Variants in CALR3 observed in about 807,000 individuals in gnomAD.
CALR3 encodes calreticulin 3.
CALR3 carries 39 observed loss-of-function variants against 48.7 expected under a neutral mutation model. The observed-to-expected ratio is 0.80, with a 90% confidence interval of 0.62 to 1.05. CALR3 has a LOEUF of 1.05. Ranked by LOEUF, CALR3 falls within the 50% of genes least tolerant of loss-of-function variation. CALR3 has a pLI of 0.00. For missense variants in CALR3, 449 were observed against 474.7 expected (o/e 0.95, Z 0.50); for synonymous variants, 185 against 172.7 (o/e 1.07, Z -0.56).
At chr19:16,482,310 T>C in intron 7 of CALR3, 140 bp downstream of exon 7, 15 of 1,236,462 alleles carry the variant, frequency 1.2e-5, no homozygotes, top group Non-Finnish European at 1.6e-5. Flanking sequence ...TGGGCCTAGT[T>C]TGAGGCTACA....
rs199588341 is a variant in CALR3 at position 16,482,592 on chromosome 19, A to C, written c.787-11T>G. 7.6e-5 allele frequency: 122 copies of C among 1,614,054 alleles called. No individual in the cohort carries two copies. Among genetic ancestry groups the C allele is most frequent in the Middle Eastern group, 3.3e-4 (2 of 6,084 alleles). ...TGGTTTCAGGCCATCCTGTATCAAA[A>C]AAACCATATGGGGTGGTCTCAATGA... On this transcript the variant is annotated splice_polypyrimidine_tract_variant and intron_variant, in intron 6 of 8. Coordinates refer to ENST00000269881, the MANE Select transcript of CALR3 (RefSeq NM_145046.5).
In CALR3 at chr19:16,490,548, G is replaced by T. The variant is rs577809057; in HGVS notation, c.216C>A (p.Gly72=). The change falls in exon 3 of 9, where the codon GGC becomes GGA. Residue 72 remains glycine (G), a synonymous_variant. Coordinates refer to ENST00000269881, the MANE Select transcript of CALR3 (RefSeq NM_145046.5). The stretch of plus-strand genomic sequence containing the variant: ...AGCGTGCAGAGATGGCATAGAATCG[G>T]CCATTCTGAGTGGTTTGCAGACCTT... ...KDKGLQTTQN[G]RFYAISARFK... is the part of the protein sequence containing the mutation. 6.2e-7 allele frequency: 1 copy of T among 1,614,068 alleles called. No homozygotes were observed. Among genetic ancestry groups the T allele is most frequent in the Non-Finnish European group, 8.5e-7 (1 of 1,180,024 alleles).
chr19:16,487,733 G>A (rs2122138237), intron 3 of CALR3, among the ~76,000 whole-genome samples: 1 of 151,918 alleles, frequency 6.6e-6, no homozygotes, highest in Middle Eastern at 3.4e-3. Flanking sequence ...TGCCTCCCAG[G>A]TTCAGGTGAT....
chr19:16,496,145 G>C lies in CALR3; in HGVS notation c.-16C>G. On this transcript the variant is annotated 5_prime_UTR_variant, in exon 1 of 9. Transcript: ENST00000269881. ...CCCGGGCCATGGGGGTGTGCACTGC[G>C]CTTCCGGTCGCCGCCACCCCTTAGC... 1.9e-6 allele frequency: 3 copies of C among 1,574,868 alleles called. No homozygotes were observed. Among genetic ancestry groups the C allele is most frequent in the Non-Finnish European group, 2.6e-6 (3 of 1,159,560 alleles).
chr19:16,488,363 C>CAT (rs1410267561), intron 3 of CALR3, among the ~76,000 whole-genome samples: 2 of 152,164 alleles, frequency 1.3e-5, no homozygotes, highest in African/African-American at 4.8e-5. Context: ...GGATTACAGG[C>CAT]ATAAGCCACT....
At chr19:16,481,921 T>TG (rs2093381380) in intron 7 of CALR3, among the ~76,000 whole-genome samples, 1 of 110,876 alleles carries the variant, frequency 9.0e-6, no homozygotes, top group African/African-American at 3.3e-5. Context: ...TTTTTTTTTT[T>TG]TTTGAGACGG....
In CALR3 at chr19:16,485,036, G is replaced by A. The variant is rs975830676; in HGVS notation, c.492+127C>T. ...AATGGGCCCCCTAAACTGGAAACTG[G>A]AAACAGGAGGTATGTCTACAAAGAC... On this transcript the variant is annotated intron_variant, in intron 4 of 8. Transcript: ENST00000269881. 12 of 699,150 alleles carry A rather than the reference G, an allele frequency of 1.7e-5. No individual in the cohort carries two copies. The African/African-American group carries it at 1.8e-4, about 10-fold the overall frequency. The allele number at this position is 699,150 out of a possible 1,614,324, so 43.3% of individuals were successfully genotyped here. A position where few individuals can be genotyped will look rare whatever the true frequency, so the allele number is the denominator to read the frequency against.
chr19:16,489,823 A>AAAACAAAAACAG (rs2093395002), intron 3 of CALR3, among the ~76,000 whole-genome samples: 1 of 1,434 alleles, frequency 7.0e-4, no homozygotes, highest in South Asian at 0.056. Context: ...GCTCGAAACA[A>AAAACAAAAACAG]AAACAAAAAC....
At chr19:16,482,621 G>A (rs774246228) in intron 6 of CALR3, 40 bp from the exon 7 acceptor site, 3 of 1,613,942 alleles carry the variant, frequency 1.9e-6, no homozygotes, top group Non-Finnish European at 2.5e-6. Flanking sequence ...TCAATGACAT[G>A]GGCAGCGGAG....
chr19:16,484,137 G>A (rs762165230), intron 4 of CALR3, 22 bp from the exon 5 acceptor site: 1 of 1,598,066 alleles, frequency 6.3e-7, no homozygotes, highest in Admixed American at 1.7e-5. Context: ...AGGGGGAAAA[G>A]CGTAACAATT....
At chr19:16,481,478 T>G (rs1415971997) in intron 7 of CALR3, among the ~76,000 whole-genome samples, 6 of 147,974 alleles carry the variant, frequency 4.1e-5, no homozygotes, top group South Asian at 2.2e-4. Flanking sequence ...TCTGTTTTTT[T>G]TTTTTTTTTT....
rs76861726 is a variant in CALR3 at position 16,482,401 on chromosome 19, CAAA to C, written c.918+46_918+48del. ...CTCAACAAAACAAAACAAAACAAAACAAAACACACACACGCAAAAAATCTAAAG... is the reference window on the plus strand; with the variant it reads ...CTCAACAAAACAAAACAAAACAAAACACACACACACGCAAAAAATCTAAAG... On this transcript the variant is annotated intron_variant, in intron 7 of 8. Coordinates refer to ENST00000269881, the MANE Select transcript of CALR3 (RefSeq NM_145046.5). 2.0e-4 allele frequency: 318 copies of C among 1,603,362 alleles called. 3 individuals are homozygous for C. In the South Asian group the frequency reaches 3.1e-3, roughly 16 times the overall value.
At chr19:16,480,882 G>A (rs1009880493) in intron 7 of CALR3, among the ~76,000 whole-genome samples, 176 bp from the exon 8 acceptor site, 1 of 151,854 alleles carries the variant, frequency 6.6e-6, no homozygotes, top group Non-Finnish European at 1.5e-5. Context: ...TTGGCCAGGC[G>A]TGGTGGTTCA....
intron 2 of CALR3, among the ~76,000 whole-genome samples, chr19:16,494,830 G>A (rs1406534742): frequency 6.6e-6 from 1 of 152,066 alleles, no homozygotes; most frequent in African/African-American, 2.4e-5. Flanking sequence ...ATCCAAAGAA[G>A]GTTAAATACC....
At chr19:16,479,551 G>A (rs1460131427) in intron 8 of CALR3, among the ~76,000 whole-genome samples, 3 of 149,248 alleles carry the variant, frequency 2.0e-5, no homozygotes, top group East Asian at 3.9e-4. Context: ...TCACTCTACT[G>A]CACTCCATCC....
intron 3 of CALR3, among the ~76,000 whole-genome samples, chr19:16,489,349 T>A (rs2093394257): frequency 6.6e-6 from 1 of 152,188 alleles, no homozygotes; most frequent in South Asian, 2.1e-4. Flanking sequence ...CCGGGTGCAG[T>A]GGCTCACGCC....
At chr19:16,483,676 CCACTGCACTCCAGCCTGGG>C in intron 5 of CALR3, 1 of 436,388 alleles carries the variant, frequency 2.3e-6, no homozygotes, top group Non-Finnish European at 4.2e-6. Context: ...TGAGATCACG[CCACTGCACTCCAGCCTGGG>C]CAAGAAGAAC....
At chr19:16,493,100 G>A (rs1025319554) in intron 2 of CALR3, among the ~76,000 whole-genome samples, 12 of 152,184 alleles carry the variant, frequency 7.9e-5, no homozygotes, top group Non-Finnish European at 1.6e-4. Flanking sequence ...GCATGCAGGT[G>A]TAACCTCTGC....
chr19:16,485,739 C>T lies in CALR3; in HGVS notation c.398-482G>A, dbSNP rs551926345. On this transcript the variant is annotated intron_variant, in intron 3 of 8. Transcript: ENST00000269881. ...TGGGATCTTGGCTCACTGCAGTCTC[C>T]GCCTCCCGGGTTTAAGTGATTCTCC... 1.0e-3 allele frequency among the ~76,000 whole-genome samples: 152 copies of T among 152,164 alleles called. 1 individual carries two copies. The highest frequency in any genetic ancestry group is 1.0e-2 in the South Asian group (48 of 4,820).
Sources: gnomAD v4.1 joint callset for allele counts (sites outside exome capture counted in the v4.1 genomes callset) on GRCh38, gnomAD v4.1.1 for gene constraint, MANE v1.5 for transcripts, NCBI Gene and HGNC (gene_info 2026-07-23, HGNC 2026-07-21) for gene names.